Variants in MYH11 observed in about 807,000 individuals in gnomAD.
MYH11 encodes myosin heavy chain 11.
In MYH11, 80 loss-of-function variants were observed where a neutral mutation model predicts 246.6. The observed-to-expected ratio is 0.32, with a 90% CI of 0.27 to 0.39. MYH11 has a LOEUF of 0.39. MYH11 is among the 10% of genes least tolerant of loss of function. The pLI is 1.00. For synonymous variants in MYH11, 1,071 were observed against 1,015.5 expected (o/e 1.05, Z -1.04); for missense variants, 2,158 against 2,546.8 (o/e 0.85, Z 3.29).
Position 15,750,307 on chromosome 16 carries a change from T to G in MYH11, c.1889A>C (p.Gln630Pro). Residue 630 changes from glutamine to proline, a missense_variant, in exon 16 of 41, where the codon CAG (glutamine) becomes CCG (proline). Around this residue, in one of 11 missense-constraint regions of MYH11, gnomAD observed 317 missense variants for 507.7 expected, o/e 0.62. Transcript: ENST00000300036. This position sits in a 1 kb window ranked among gnomAD's most constrained non-coding sequence, Gnocchi z 4.3. Reference protein sequence around the residue: ...KDVDRIVGLDQMAKMTESSLP... With the variant: ...KDVDRIVGLDPMAKMTESSLP... ...CGAGCTCTCCGTCATCTTGGCCATCTGGTCCAGGCCCACGATGCGGTCCAC... is the reference window on the plus strand; with the variant it reads ...CGAGCTCTCCGTCATCTTGGCCATCGGGTCCAGGCCCACGATGCGGTCCAC... The G allele has an allele frequency of 6.2e-7, 1 of 1,611,514 alleles. No homozygotes were observed. The highest frequency in any genetic ancestry group is 8.5e-7 in the Non-Finnish European group (1 of 1,179,110).
chr16:15,732,733 G>A (rs2041005034), intron 26 of MYH11, 25 bp from the exon 27 acceptor site: 2 of 1,613,878 alleles, frequency 1.2e-6, no homozygotes, highest in South Asian at 2.2e-5. Context: ...CACAGTGAAT[G>A]GCAGTTGGGT....
intron 25 of MYH11, among the ~76,000 whole-genome samples, chr16:15,736,737 A>G (rs575946049): frequency 6.6e-6 from 1 of 152,318 alleles, no homozygotes; most frequent in South Asian, 2.1e-4. Flanking sequence ...CTTAGAAGCA[A>G]TGACATTGCT....
chr16:15,742,646 G>A (rs556929740), intron 20 of MYH11, among the ~76,000 whole-genome samples: 1 of 151,912 alleles, frequency 6.6e-6, no homozygotes, highest in South Asian at 2.1e-4. Flanking sequence ...CAGGAAGATC[G>A]CTTGAACCCT....
At chr16:15,852,388 A>G (rs1049044493) in intron 1 of MYH11, among the ~76,000 whole-genome samples, 21 of 138,406 alleles carry the variant, frequency 1.5e-4, no homozygotes, top group African/African-American at 5.5e-4. Flanking sequence ...GCTGGAGTGC[A>G]GTGGTGTGAT....
intron 3 of MYH11, among the ~76,000 whole-genome samples, chr16:15,820,124 C>T (rs2151355132): frequency 6.6e-6 from 1 of 152,282 alleles, no homozygotes; most frequent in Middle Eastern, 3.4e-3. Context: ...GGGAGGATCA[C>T]CTGAGGCCAG....
intron 36 of MYH11, 189 bp downstream of exon 36, chr16:15,719,031 G>A: frequency 3.1e-6 from 2 of 650,546 alleles, no homozygotes; most frequent in Admixed American, 2.1e-5. Flanking sequence ...AGAAGGCTGA[G>A]GCAGGAGAAT....
At chr16:15,719,775 AG>A in intron 34 of MYH11, 62 bp from the exon 35 acceptor site, 6 of 1,610,748 alleles carry the variant, frequency 3.7e-6, no homozygotes, top group South Asian at 1.1e-5. Flanking sequence ...TCTGCTGCCC[AG>A]TTCAGCTTTG....
At chr16:15,725,934 C>A (rs887859862) in intron 28 of MYH11, 1 of 372,570 alleles carries the variant, frequency 2.7e-6, no homozygotes, top group Non-Finnish European at 4.8e-6. Context: ...CAAGCTCCCC[C>A]TCCAACCCCA....
Position 15,778,643 on chromosome 16 carries a change from G to C in MYH11, c.790+137C>G, listed in dbSNP as rs1477358241. ...TAACCACTGCACCACAATGCCTGCT[G>C]TTAAGGGGAGATTTGTTCTGGAAGA... On this transcript the variant is annotated intron_variant, in intron 7 of 40. Transcript: ENST00000300036. The C allele has an allele frequency of 4.4e-6, 4 of 906,262 alleles. No homozygotes were observed. In the East Asian group the frequency reaches 1.0e-4, roughly 23 times the overall value. 56.1% of individuals were successfully genotyped at this position (906,262 alleles called of 1,614,324 possible).
chr16:15,749,749 C>T, intron 16 of MYH11: 1 of 299,478 alleles, frequency 3.3e-6, no homozygotes, highest in Non-Finnish European at 6.3e-6. Context: ...ATGTCTGTAG[C>T]ATGTCCATAT....
rs2043951177 is a variant in MYH11, at chr16:15,838,084, C to T, written c.169G>A (p.Glu57Lys). ...TTCTCCACCAGCTCCACAACCACCT[C>T]ATCCCCCTTCTCCTCCTTAATGCTG... Reference protein sequence around the residue: ...AASIKEEKGDEVVVELVENGK... With the variant: ...AASIKEEKGDKVVVELVENGK... Residue 57 changes from glutamate (E) to lysine (K), a missense_variant, in exon 2 of 41, where the codon GAG becomes AAG. Physicochemically the swap from Glu to Lys is moderately conservative, Grantham distance 56. Coordinates refer to ENST00000300036, the MANE Select transcript of MYH11 (RefSeq NM_002474.3). The T allele has an allele frequency of 6.2e-7, 1 of 1,614,164 alleles. No homozygotes were observed. The highest frequency in any genetic ancestry group is 8.5e-7 in the Non-Finnish European group (1 of 1,180,034).
intron 4 of MYH11, among the ~76,000 whole-genome samples, chr16:15,787,156 C>T (rs2042490130): frequency 6.6e-6 from 1 of 152,018 alleles, no homozygotes; most frequent in African/African-American, 2.4e-5. Context: ...CCTGTAGTCC[C>T]AGCTATTTGG....
At chr16:15,741,726 C>T in intron 21 of MYH11, 34 bp downstream of exon 21, 1 of 1,614,122 alleles carries the variant, frequency 6.2e-7, no homozygotes, top group Non-Finnish European at 8.5e-7. Context: ...AGTCCTGTTC[C>T]CCAGCAACCC....
At position 15,726,842 on chromosome 16, in the gene MYH11, C is replaced by T. The variant is rs71376097; in HGVS notation, c.3858+6G>A. The T allele has an allele frequency of 6.2e-7, 1 of 1,611,718 alleles. No individual in the cohort carries two copies. Among genetic ancestry groups the T allele is most frequent in the East Asian group, 2.2e-5 (1 of 44,854 alleles). On this transcript the variant is annotated splice_donor_region_variant and intron_variant, in intron 28 of 40. Transcript: ENST00000300036. ...TGCCCACCACACCACCGCGCCACCT[C>T]CTCACCTGCAGCTTGTGGACTTTGT...
chr16:15,847,224 C>G (rs997145281), intron 1 of MYH11, among the ~76,000 whole-genome samples: 20 of 149,584 alleles, frequency 1.3e-4, no homozygotes, highest in Admixed American at 1.2e-3. Flanking sequence ...GTTCTAAGCA[C>G]TATGACAAGT....
At chr16:15,799,229 C>T (rs948652812) in intron 3 of MYH11, among the ~76,000 whole-genome samples, 3 of 152,162 alleles carry the variant, frequency 2.0e-5, no homozygotes, top group African/African-American at 7.2e-5. Flanking sequence ...CATGTACAGT[C>T]TTAGTGGGAC....
intron 2 of MYH11, among the ~76,000 whole-genome samples, chr16:15,826,792 G>A (rs2043579407): frequency 6.6e-6 from 1 of 151,528 alleles, no homozygotes; most frequent in Non-Finnish European, 1.5e-5. Context: ...AGGAGTTCAA[G>A]ACCAACCTAG....
intron 31 of MYH11, among the ~76,000 whole-genome samples, chr16:15,723,351 T>C (rs1158939841): frequency 6.6e-6 from 1 of 152,074 alleles, no homozygotes; most frequent in African/African-American, 2.4e-5. Context: ...TTAGTCTTTA[T>C]AAATAAATAT....
intron 38 of MYH11, among the ~76,000 whole-genome samples, chr16:15,716,411 T>C (rs2040141807): frequency 4.6e-5 from 7 of 152,172 alleles, no homozygotes; most frequent in Admixed American, 4.6e-4. Context: ...TAGAATCCAA[T>C]GGTAAGAAAT....
Sources: gnomAD v4.1 joint callset for allele counts (sites outside exome capture counted in the v4.1 genomes callset) on GRCh38, gnomAD v4.1.1 for gene constraint, gnomAD v4.1.1 regional missense constraint, Gnocchi (gnomAD v3.1) non-coding constraint, MANE v1.5 for transcripts, NCBI Gene and HGNC (gene_info 2026-07-23, HGNC 2026-07-21) for gene names.